The following SLC35F5 variants were observed in gnomAD, a reference collection of about 807,000 sequenced individuals.
SLC35F5 encodes HCV NS5A-transactivated protein 3.
A neutral mutation model predicts 68.6 loss-of-function variants in SLC35F5; 54 were observed. The observed-to-expected ratio is 0.79, with a 90% CI of 0.63 to 0.99. The LOEUF is 0.99. Ranked by LOEUF, SLC35F5 falls within the 50% of genes least tolerant of loss-of-function variation. The pLI is 0.00. For missense variants in SLC35F5, 567 were observed against 626.9 expected (o/e 0.90, Z 1.02); for synonymous variants, 211 against 205.2 (o/e 1.03, Z -0.24).
At chr2:113,753,014 A>G (rs1676805938) in intron 3 of SLC35F5, among the ~76,000 whole-genome samples, 1 of 152,218 alleles carries the variant, frequency 6.6e-6, no homozygotes, top group East Asian at 1.9e-4. Context: ...GGAGAGGTTG[A>G]TAAGGTTGGC....
intron 7 of SLC35F5, 128 bp downstream of exon 7, chr2:113,742,564 T>C (rs1676318205): frequency 1.1e-6 from 1 of 882,094 alleles, no homozygotes; most frequent in African/African-American, 1.7e-5. Context: ...CGGTATCAAA[T>C]AGCAGAGTTT....
At position 113,743,713 on chromosome 2, in the gene SLC35F5, T is replaced by C. The variant is rs1187962394; in HGVS notation, c.562A>G (p.Thr188Ala). 3 of 1,609,768 alleles carry C rather than the reference T, an allele frequency of 1.9e-6. No homozygotes were observed. The highest frequency in any genetic ancestry group is 2.2e-5 in the East Asian group (1 of 44,816). The change falls in exon 6 of 16, where the codon ACC (threonine) becomes GCC (alanine). Residue 188 changes from threonine to alanine, a missense_variant and splice_region_variant. Coordinates refer to ENST00000245680, the MANE Select transcript of SLC35F5 (RefSeq NM_025181.5). ...CTACCCATTTCCAAGTTTTGCTTAC[T>C]TTTTTCAGTATCAATGTTTGTGCTC... ...PESTNIDTEKTPKKSRVRFSN... is the reference protein window; with the variant it reads ...PESTNIDTEKAPKKSRVRFSN...
At chr2:113,728,937 T>C (rs1399865075) in intron 11 of SLC35F5, among the ~76,000 whole-genome samples, 3 of 152,156 alleles carry the variant, frequency 2.0e-5, no homozygotes, top group African/African-American at 4.8e-5. Context: ...AAAATGCAAA[T>C]GAAAAGCATT....
Position 113,753,170 on chromosome 2 carries a change from T to C in SLC35F5, c.273+1995A>G, listed in dbSNP as rs1322874303. The stretch of plus-strand genomic sequence containing the variant: ...CTTTATCTCCAAAGTTTGTTTTTCT[T>C]TTTTTTTTTTTTTTTTTTTTTTTTT... On this transcript the variant is annotated intron_variant, in intron 3 of 15. Coordinates refer to ENST00000245680, the MANE Select transcript of SLC35F5 (RefSeq NM_025181.5). 1.9e-3 allele frequency among the ~76,000 whole-genome samples: 194 copies of C among 104,362 alleles called. 27 individuals are homozygous for C. The highest frequency in any genetic ancestry group is 3.5e-3 in the African/African-American group (94 of 26,588). The allele number at this position is 104,362 out of a possible 152,430, so 68.5% of individuals were successfully genotyped here. A position where few individuals can be genotyped will look rare whatever the true frequency, so the allele number is the denominator to read the frequency against.
rs1374345797 is a variant in SLC35F5 at position 113,706,978 on chromosome 2, GC to G, written c.*8239del. Among the ~76,000 whole-genome samples the G allele has an allele frequency of 6.6e-6, 1 of 151,962 alleles. No individual in the cohort carries two copies. Among genetic ancestry groups the G allele is most frequent in the African/African-American group, 2.4e-5 (1 of 41,366 alleles). ...GCAAGACAAAACCAGGGTAGTTTTG[GC>G]CCTAAATCATAGCTAACATAAGTAG... On this transcript the variant is annotated 3_prime_UTR_variant, in exon 16 of 16. Transcript: ENST00000245680.
At chr2:113,744,651 G>A (rs1289550337) in intron 5 of SLC35F5, among the ~76,000 whole-genome samples, 3 of 152,104 alleles carry the variant, frequency 2.0e-5, no homozygotes, top group Non-Finnish European at 4.4e-5. Context: ...CTCATGAGGT[G>A]GAGGTAGGCA....
intron 12 of SLC35F5, among the ~76,000 whole-genome samples, chr2:113,723,904 T>C (rs1364110813): frequency 6.6e-6 from 1 of 152,196 alleles, no homozygotes; most frequent in African/African-American, 2.4e-5. Context: ...GAGCCATTTA[T>C]AAAGACTGAT....
At chr2:113,728,136 C>T (rs1373461104) in intron 11 of SLC35F5, among the ~76,000 whole-genome samples, 1 of 152,148 alleles carries the variant, frequency 6.6e-6, no homozygotes, top group East Asian at 1.9e-4. Context: ...GGATTACAAA[C>T]ACATGTAACC....
rs757337626 is a variant in SLC35F5 at position 113,729,434 on chromosome 2, T to G, written c.1057A>C (p.Arg353=). The change falls in exon 11 of 16, where the codon AGA becomes CGA. Residue 353 remains arginine, a synonymous_variant. Transcript: ENST00000245680. ...YIVMIKRKVD[R]EDKLDIPMFF... ...ATTGGAATATCCAACTTGTCTTCTCTATCTACTTTTCTCTTAATCATAACA... is the reference window on the plus strand; with the variant it reads ...ATTGGAATATCCAACTTGTCTTCTCGATCTACTTTTCTCTTAATCATAACA... 8.2e-6 allele frequency: 13 copies of G among 1,586,582 alleles called. No individual in the cohort carries two copies. Among genetic ancestry groups the G allele is most frequent in the Non-Finnish European group, 1.1e-5 (13 of 1,163,912 alleles).
At chr2:113,756,039 C>G in intron 1 of SLC35F5, 1 of 1,472,934 alleles carries the variant, frequency 6.8e-7, no homozygotes, top group Non-Finnish European at 9.0e-7. Flanking sequence ...CCATGCTCCT[C>G]CACCCACCTC....
rs113034505 is a variant in SLC35F5 at position 113,750,681 on chromosome 2, G to A, written c.274-113C>T. ...AACTCTTCAGAAGTTCACTTGGAAA[G>A]AAAAAGTCAAAGCGATTACAAAAGT... is the stretch of plus-strand genomic sequence containing the variant. On this transcript the variant is annotated intron_variant, in intron 3 of 15. Coordinates refer to ENST00000245680, the MANE Select transcript of SLC35F5 (RefSeq NM_025181.5). 2,134 of 962,238 alleles carry A rather than the reference G, an allele frequency of 2.2e-3. 25 individuals carry two copies. The African/African-American group carries it at 0.033, about 15-fold the overall frequency. 59.6% of individuals were successfully genotyped at this position (962,238 alleles called of 1,614,324 possible).
chr2:113,750,315 A>G (rs968919205), intron 4 of SLC35F5, 110 bp downstream of exon 4: 28 of 1,088,816 alleles, frequency 2.6e-5, no homozygotes, highest in Non-Finnish European at 3.4e-5. Flanking sequence ...CACTCACTTA[A>G]CTGAACAACT....
At chr2:113,735,982 G>T in intron 7 of SLC35F5, 124 bp from the exon 8 acceptor site, 1 of 574,058 alleles carries the variant, frequency 1.7e-6, no homozygotes, top group Non-Finnish European at 3.1e-6. Flanking sequence ...TTTAAAAGCT[G>T]CTTTGTATTG....
intron 8 of SLC35F5, 104 bp from the exon 9 acceptor site, chr2:113,734,777 T>C: frequency 1.5e-6 from 1 of 652,752 alleles, no homozygotes; most frequent in East Asian, 2.7e-5. Context: ...TACCTACCTT[T>C]CAAATTATTT....
Position 113,717,798 on chromosome 2 carries a change from A to G in SLC35F5, c.1549T>C (p.Ser517Pro). 1 of 1,613,554 alleles carries G rather than the reference A, an allele frequency of 6.2e-7. No individual in the cohort carries two copies. Among genetic ancestry groups the G allele is most frequent in the African/African-American group, 1.3e-5 (1 of 74,986 alleles). The change falls in exon 15 of 16, where the codon TCT becomes CCT. Residue 517 changes from serine to proline, a missense_variant. Transcript: ENST00000245680. ...CESLISMHSV[S>P]QEDGAS is the part of the protein sequence containing the mutation. The stretch of plus-strand genomic sequence containing the variant: ...AGCTAACTAGCTCCATCCTCCTGAG[A>G]AACACTGTGCATAGAAATGAGACTC...
chr2:113,750,831 C>T (rs1676707785), intron 3 of SLC35F5, among the ~76,000 whole-genome samples: 1 of 152,198 alleles, frequency 6.6e-6, no homozygotes, highest in Admixed American at 6.5e-5. Flanking sequence ...CGAAACAGTG[C>T]CTACACTAGG....
Position 113,715,180 on chromosome 2 carries a change from T to C in SLC35F5, c.*38A>G, listed in dbSNP as rs146588112. 2.0e-4 allele frequency: 30 copies of C among 152,330 alleles called. No homozygotes were observed. In the East Asian group the frequency reaches 5.0e-3, roughly 25 times the overall value. The allele number at this position is 152,330 out of a possible 1,614,324, so 9.4% of individuals were successfully genotyped here. On this transcript the variant is annotated 3_prime_UTR_variant, in exon 16 of 16. Transcript: ENST00000245680. ...TGCCAGAGATTGTCTCTTCGCTGTATAGTTCCATTATCAAGCTAAAAACAG... is the reference window on the plus strand; with the variant it reads ...TGCCAGAGATTGTCTCTTCGCTGTACAGTTCCATTATCAAGCTAAAAACAG...
intron 4 of SLC35F5, 149 bp downstream of exon 4, chr2:113,750,276 G>A: frequency 1.7e-6 from 1 of 605,888 alleles, no homozygotes; most frequent in South Asian, 5.7e-5. Flanking sequence ...TAAAATTTTG[G>A]ACAAGAGCCG....
downstream of SLC35F5, among the ~76,000 whole-genome samples, chr2:113,706,404 C>A (rs1392739079): frequency 6.6e-6 from 1 of 152,196 alleles, no homozygotes; most frequent in Non-Finnish European, 1.5e-5. Context: ...TTTATGACGG[C>A]TTCCTCCCTC....
Sources: gnomAD v4.1 joint callset for allele counts (sites outside exome capture counted in the v4.1 genomes callset) on GRCh38, gnomAD v4.1.1 for gene constraint, MANE v1.5 for transcripts, NCBI Gene and HGNC (gene_info 2026-07-23, HGNC 2026-07-21) for gene names.